The following NEMP2 variants were observed in gnomAD, a reference collection of about 807,000 sequenced individuals.
NEMP2 encodes the protein nuclear envelope integral membrane protein 2, also known as UPF0571 transmembrane protein.
Under a neutral mutation model 54.2 loss-of-function variants are expected in NEMP2, and 53 were observed. That is an observed-to-expected ratio of 0.98 (90% CI 0.78 to 1.23). The LOEUF (loss-of-function observed/expected upper bound fraction) is 1.23. Ranked by LOEUF, NEMP2 falls within the 50% of genes most tolerant of loss-of-function variation. The pLI is 0.00. For missense variants in NEMP2, 455 were observed against 511.3 expected, an observed-to-expected ratio of 0.89 and a Z score of 1.06; for synonymous variants, 197 against 190.3, an observed-to-expected ratio of 1.04 and a Z score of -0.29.
rs561937673 is a variant in NEMP2 at position 190,522,810 on chromosome 2, C to T, written c.213+2453G>A. Among the ~76,000 whole-genome samples the T allele has an allele frequency of 6.6e-6, 1 of 152,180 alleles. No individual in the cohort carries two copies. The highest frequency in any genetic ancestry group is 1.5e-5 in the Non-Finnish European group (1 of 68,038). On this transcript the variant is annotated intron_variant, in intron 2 of 8. Transcript: ENST00000409150. This position sits in a 1 kb window ranked among gnomAD's most constrained non-coding sequence, Gnocchi z 5.0. The stretch of plus-strand genomic sequence containing the variant: ...TTTCTATTGATAATAACTCTTTCAA[C>T]CAATTGCCAATCAGAAAATTTAAAA...
the NEMP2 span, among the ~76,000 whole-genome samples, chr2:190,481,830 ATGCTGC>A: frequency 7.7e-4 from 118 of 152,316 alleles, no homozygotes; most frequent in African/African-American, 2.7e-3. Flanking sequence ...CAGAAGATCC[ATGCTGC>A]TGCTGCTGCT....
At chr2:190,503,434 AATTAATTTTAAAT>A (rs1451917704), downstream of NEMP2, among the ~76,000 whole-genome samples, 2 of 152,224 alleles carry the variant, frequency 1.3e-5, no homozygotes, top group Non-Finnish European at 2.9e-5. This position sits in a 1 kb window ranked among gnomAD's most constrained non-coding sequence, Gnocchi z 6.3. Context: ...TTAGGTTTCT[AATTAATTTTAAAT>A]AGCCACACGT....
chr2:190,448,508 C>T, the NEMP2 span, among the ~76,000 whole-genome samples: 1 of 152,046 alleles, frequency 6.6e-6, no homozygotes. Flanking sequence ...GATCAATATG[C>T]CAACATGGAA....
upstream of NEMP2, among the ~76,000 whole-genome samples, chr2:190,536,234 C>A (rs549310940): frequency 1.3e-5 from 2 of 152,260 alleles, no homozygotes; most frequent in South Asian, 4.2e-4. Context: ...TTCCACTTAA[C>A]CTCTCCAAAC....
the NEMP2 span, among the ~76,000 whole-genome samples, chr2:190,468,812 G>T: frequency 2.0e-5 from 3 of 152,080 alleles, no homozygotes; most frequent in Non-Finnish European, 4.4e-5. Flanking sequence ...TGATTATCGT[G>T]TTGGTTTATT....
chr2:190,586,274 G>A, the NEMP2 span, among the ~76,000 whole-genome samples: 4 of 152,122 alleles, frequency 2.6e-5, no homozygotes, highest in African/African-American at 9.7e-5. This position sits in a 1 kb window ranked among gnomAD's most constrained non-coding sequence, Gnocchi z 4.5. Context: ...TGTCTGACAT[G>A]TGATTGATAC....
the NEMP2 span, among the ~76,000 whole-genome samples, chr2:190,600,493 G>T: frequency 2.0e-5 from 3 of 152,208 alleles, no homozygotes; most frequent in Admixed American, 6.5e-5. This position sits in a 1 kb window ranked among gnomAD's most constrained non-coding sequence, Gnocchi z 4.9. Flanking sequence ...TGAGGTGTTT[G>T]GGTCATGGGT....
At chr2:190,568,957 A>G in the NEMP2 span, among the ~76,000 whole-genome samples, 1 of 152,226 alleles carries the variant, frequency 6.6e-6, no homozygotes, top group Non-Finnish European at 1.5e-5. The surrounding 1 kb of genome is among the most constrained non-coding windows in gnomAD (Gnocchi z 4.7). Flanking sequence ...AGTCATAGAT[A>G]ATAATATCTG....
chr2:190,584,326 T>C, the NEMP2 span, among the ~76,000 whole-genome samples: 150 of 152,152 alleles, frequency 9.9e-4, no homozygotes, highest in African/African-American at 3.4e-3. The surrounding 1 kb of genome is among the most constrained non-coding windows in gnomAD (Gnocchi z 4.2). Context: ...GCATAAACAC[T>C]GAAAGAAATC....
At chr2:190,639,308 A>T in the NEMP2 span, among the ~76,000 whole-genome samples, 1 of 152,078 alleles carries the variant, frequency 6.6e-6, no homozygotes, top group African/African-American at 2.4e-5. Context: ...GACCCTCAAG[A>T]CATGTAGTTA....
the NEMP2 span, among the ~76,000 whole-genome samples, chr2:190,540,123 A>G: frequency 2.0e-5 from 3 of 152,134 alleles, no homozygotes; most frequent in East Asian, 5.8e-4. Context: ...GGTTTTTTTC[A>G]TAAAGGGATG....
the NEMP2 span, chr2:190,608,299 A>G: frequency 6.6e-6 from 1 of 152,226 alleles, no homozygotes; most frequent in Non-Finnish European, 1.5e-5. The surrounding 1 kb of genome is among the most constrained non-coding windows in gnomAD (Gnocchi z 4.9). Flanking sequence ...GAGAAGCTAT[A>G]AAGTGCTTCA....
the NEMP2 span, among the ~76,000 whole-genome samples, chr2:190,637,670 A>G: frequency 6.6e-6 from 1 of 152,180 alleles, no homozygotes; most frequent in Non-Finnish European, 1.5e-5. This position sits in a 1 kb window ranked among gnomAD's most constrained non-coding sequence, Gnocchi z 4.5. Flanking sequence ...GCTTGCTTAC[A>G]AGGCCTACTG....
chr2:190,634,882 G>GT, the NEMP2 span, among the ~76,000 whole-genome samples: 1 of 152,176 alleles, frequency 6.6e-6, no homozygotes, highest in Non-Finnish European at 1.5e-5. The surrounding 1 kb of genome is among the most constrained non-coding windows in gnomAD (Gnocchi z 6.8). Context: ...CAAACACTTG[G>GT]TTAGGAAGGC....
the NEMP2 span, among the ~76,000 whole-genome samples, chr2:190,613,137 A>C: frequency 2.0e-5 from 3 of 152,170 alleles, no homozygotes. Flanking sequence ...AACTGACTCC[A>C]TCTTACTTCT....
the NEMP2 span, among the ~76,000 whole-genome samples, chr2:190,431,574 G>A: frequency 5.3e-5 from 8 of 152,188 alleles, no homozygotes; most frequent in African/African-American, 1.4e-4. The surrounding 1 kb of genome is among the most constrained non-coding windows in gnomAD (Gnocchi z 4.4). Flanking sequence ...GTGTGGCGGC[G>A]CGCGCCTGCA....
At chr2:190,574,931 T>C in the NEMP2 span, among the ~76,000 whole-genome samples, 1 of 151,720 alleles carries the variant, frequency 6.6e-6, no homozygotes, top group Non-Finnish European at 1.5e-5. Context: ...CTCAGCTCAC[T>C]ACGATCTCCA....
At chr2:190,580,081 T>C in the NEMP2 span, among the ~76,000 whole-genome samples, 1 of 152,210 alleles carries the variant, frequency 6.6e-6, no homozygotes, top group Non-Finnish European at 1.5e-5. The surrounding 1 kb of genome is among the most constrained non-coding windows in gnomAD (Gnocchi z 5.3). Context: ...AAAGTGATTC[T>C]GATTCAGTAG....
chr2:190,574,472 T>C, the NEMP2 span, among the ~76,000 whole-genome samples: 10 of 152,332 alleles, frequency 6.6e-5, no homozygotes, highest in East Asian at 1.9e-3. Context: ...TATTGAGATA[T>C]AATTCATATA....
Sources: gnomAD v4.1 joint callset for allele counts (sites outside exome capture counted in the v4.1 genomes callset) on GRCh38, gnomAD v4.1.1 for gene constraint, Gnocchi (gnomAD v3.1) non-coding constraint, MANE v1.5 for transcripts, NCBI Gene and HGNC (gene_info 2026-07-23, HGNC 2026-07-21) for gene names.